Variants in DCDC1 observed in about 807,000 individuals in gnomAD.
The protein encoded by DCDC1 is doublecortin domain-containing protein 1.
Under a neutral mutation model 178.3 loss-of-function variants are expected in DCDC1, and 200 were observed. The observed-to-expected ratio is 1.12, with a 90% CI of 1.00 to 1.26. The LOEUF (loss-of-function observed/expected upper bound fraction) is 1.26, where lower values mean the gene tolerates loss of function less well. Among genes scored for constraint, DCDC1 ranks in the 50% most tolerant of loss-of-function variants. The pLI, the probability that DCDC1 is intolerant of heterozygous loss-of-function variation, is 0.00. For synonymous variants in DCDC1, 690 were observed against 604.8 expected (o/e 1.14, Z -2.07); for missense variants, 1,983 against 1,749.2 (o/e 1.13, Z -2.38).
chr11:31,309,905 GAATAT>G (rs894425437), intron 3 of DCDC1, among the ~76,000 whole-genome samples: 45 of 151,998 alleles, frequency 3.0e-4, no homozygotes, highest in African/African-American at 9.2e-4. Flanking sequence ...GATTTTACTG[GAATAT>G]AATATTTTAT....
rs1392360035 is a variant in DCDC1, at chr11:30,899,644, T to C, written c.4664-2A>G. 1.1e-5 allele frequency: 17 copies of C among 1,528,662 alleles called. No homozygotes were observed. In the East Asian group the frequency reaches 3.7e-4, roughly 34 times the overall value. The allele number at this position is 1,528,662 out of a possible 1,614,324, so 94.7% of individuals were successfully genotyped here. On this transcript the variant is annotated splice_acceptor_variant, in intron 33 of 38. Coordinates refer to ENST00000684477, the MANE Select transcript of DCDC1 (RefSeq NM_001387274.1). LOFTEE classifies it high-confidence loss of function. The stretch of plus-strand genomic sequence containing the variant: ...CTAATTTTTCTGCTTTCTGCAAAGC[T>C]AGAATAATAAAAATACAAGATATTT...
intron 10 of DCDC1, among the ~76,000 whole-genome samples, chr11:31,129,679 A>G (rs1962170626): frequency 6.6e-6 from 1 of 152,092 alleles, no homozygotes; most frequent in South Asian, 2.1e-4. Context: ...TATAAGTAAT[A>G]GCCCTCAATC....
intron 9 of DCDC1, among the ~76,000 whole-genome samples, chr11:31,177,726 C>T (rs1591317352): frequency 6.6e-6 from 1 of 152,162 alleles, no homozygotes; most frequent in East Asian, 1.9e-4. Flanking sequence ...AGTAGACATT[C>T]TTATACCAGA....
At chr11:31,310,177 G>C (rs903021442) in intron 3 of DCDC1, among the ~76,000 whole-genome samples, 2 of 151,980 alleles carry the variant, frequency 1.3e-5, no homozygotes, top group African/African-American at 4.8e-5. Context: ...GTTTTCTCTA[G>C]TAATTTATAT....
At position 30,920,890 on chromosome 11, in the gene DCDC1, AG is replaced by A; in HGVS notation, c.3178del (p.Ala1061LeufsTer6). On this transcript the variant is annotated frameshift_variant, in exon 25 of 39. Transcript: ENST00000684477. LOFTEE classifies it high-confidence loss of function. ...AATTGCTACAGGTTTATGCACAGCA[AG>A]CTTGCTTCCAGATACAATGTCACTT... The part of the protein sequence containing the change: ...VQSDIVSGSK[L>X]AVHKPVAIFG... The A allele has an allele frequency of 1.2e-6, 2 of 1,613,170 alleles. No homozygotes were observed. The highest frequency in any genetic ancestry group is 1.7e-6 in the Non-Finnish European group (2 of 1,179,502).
intron 28 of DCDC1, among the ~76,000 whole-genome samples, 160 bp from the exon 29 acceptor site, chr11:30,909,276 C>A (rs538923697): frequency 6.6e-6 from 1 of 152,050 alleles, no homozygotes; most frequent in Non-Finnish European, 1.5e-5. Flanking sequence ...GACATGCAAT[C>A]TTTTATATGT....
intron 22 of DCDC1, among the ~76,000 whole-genome samples, chr11:30,930,121 T>C (rs775166169): frequency 6.6e-6 from 1 of 152,110 alleles, no homozygotes; most frequent in Non-Finnish European, 1.5e-5. Context: ...AAATTTCAGG[T>C]TAATGCAAGT....
intron 20 of DCDC1, among the ~76,000 whole-genome samples, chr11:30,978,255 G>C (rs1167955699): frequency 6.6e-6 from 1 of 152,192 alleles, no homozygotes; most frequent in East Asian, 1.9e-4. Flanking sequence ...AGGTGCTTCT[G>C]TACATTGGAT....
At chr11:31,090,881 T>C (rs1459605067) in intron 17 of DCDC1, among the ~76,000 whole-genome samples, 1 of 152,194 alleles carries the variant, frequency 6.6e-6, no homozygotes, top group Non-Finnish European at 1.5e-5. Context: ...TTTGAGACTC[T>C]TGGAGATAAA....
chr11:31,102,977 T>C (rs1427781210), intron 14 of DCDC1, among the ~76,000 whole-genome samples: 5 of 152,224 alleles, frequency 3.3e-5, no homozygotes, highest in Non-Finnish European at 7.3e-5. Flanking sequence ...CCTTGGTTTC[T>C]GTCTCTGAGA....
At chr11:31,116,612 T>C (rs531654620) in intron 11 of DCDC1, among the ~76,000 whole-genome samples, 1 of 152,190 alleles carries the variant, frequency 6.6e-6, no homozygotes, top group Admixed American at 6.5e-5. Context: ...TGTCTAATTT[T>C]AATATTCAAA....
At chr11:31,158,210 GC>G (rs1965935753) in intron 9 of DCDC1, among the ~76,000 whole-genome samples, 3 of 151,990 alleles carry the variant, frequency 2.0e-5, no homozygotes, top group Admixed American at 2.0e-4. Context: ...CCAGGTTCAT[GC>G]CATTCTCCTG....
chr11:31,192,272 A>G (rs1237919173), intron 9 of DCDC1, among the ~76,000 whole-genome samples: 4 of 152,052 alleles, frequency 2.6e-5, no homozygotes, highest in East Asian at 3.9e-4. Flanking sequence ...TTTTTCCTAG[A>G]AGTTCAAATC....
At chr11:30,900,014 G>A (rs150553024) in intron 33 of DCDC1, among the ~76,000 whole-genome samples, 1 of 152,142 alleles carries the variant, frequency 6.6e-6, no homozygotes, top group East Asian at 1.9e-4. Flanking sequence ...TGTGCAGACA[G>A]GTCGTCCTCA....
intron 9 of DCDC1, among the ~76,000 whole-genome samples, chr11:31,173,148 T>C (rs988102956): frequency 2.6e-5 from 4 of 152,340 alleles, no homozygotes; most frequent in South Asian, 2.1e-4. Flanking sequence ...TATTACAACA[T>C]AATTTTAAAT....
At chr11:31,137,904 C>A (rs151294503) in intron 9 of DCDC1, 120 bp from the exon 10 acceptor site, 57 of 556,614 alleles carry the variant, frequency 1.0e-4, no homozygotes, top group African/African-American at 1.0e-3. Flanking sequence ...TTTGATGATA[C>A]GTACATGAAA....
intron 20 of DCDC1, among the ~76,000 whole-genome samples, chr11:31,000,554 T>C (rs1159012477): frequency 6.6e-6 from 1 of 152,096 alleles, no homozygotes; most frequent in Non-Finnish European, 1.5e-5. Flanking sequence ...TAGAAATCCT[T>C]ATGGATTGCA....
At chr11:31,163,736 G>C (rs1966523776) in intron 9 of DCDC1, among the ~76,000 whole-genome samples, 1 of 152,046 alleles carries the variant, frequency 6.6e-6, no homozygotes, top group Non-Finnish European at 1.5e-5. Flanking sequence ...ATTTTAAGGG[G>C]GGATGGTACG....
intron 9 of DCDC1, among the ~76,000 whole-genome samples, chr11:31,165,608 G>T (rs986789468): frequency 5.3e-5 from 8 of 152,200 alleles, no homozygotes; most frequent in African/African-American, 1.9e-4. Flanking sequence ...ACTGCACCTG[G>T]CTGAAAGCCA....
Sources: allele counts gnomAD v4.1 joint callset (sites outside exome capture counted in the v4.1 genomes callset), GRCh38; gene constraint gnomAD v4.1.1; transcripts MANE v1.5; gene names NCBI Gene and HGNC (gene_info 2026-07-23, HGNC 2026-07-21).